The following TTC39B variants were observed in gnomAD, a reference collection of about 807,000 sequenced individuals.
TTC39B encodes tetratricopeptide repeat protein 39B.
TTC39B carries 92 observed loss-of-function variants against 96.6 expected under a neutral mutation model. That is an observed-to-expected ratio of 0.95 (90% confidence interval 0.80 to 1.13). The LOEUF (loss-of-function observed/expected upper bound fraction) is 1.13. TTC39B is among the 50% of genes most tolerant of loss of function. The pLI is 0.00. For synonymous variants in TTC39B, 367 were observed against 299.4 expected (o/e 1.23, Z -2.33); for missense variants, 955 against 809.3 (o/e 1.18, Z -2.18).
intron 8 of TTC39B, among the ~76,000 whole-genome samples, chr9:15,198,469 T>TAC (rs1249967105): frequency 6.9e-6 from 1 of 144,156 alleles, no homozygotes; most frequent in African/African-American, 2.7e-5. Context: ...AAAATATATA[T>TAC]ATATATATAT....
rs79566942 is a variant in TTC39B at position 15,263,994 on chromosome 9, A to G, written c.275+3920T>C. Reference sequence around the variant, plus strand: ...TTTGTTAAACTGAGCAGGACAGGGAAGTTAAAATTAGACAAGAGGAAGAAA... The same window carrying G: ...TTTGTTAAACTGAGCAGGACAGGGAGGTTAAAATTAGACAAGAGGAAGAAA... On this transcript the variant is annotated intron_variant, in intron 2 of 19. Transcript: ENST00000512701. 8.7e-4 allele frequency among the ~76,000 whole-genome samples: 133 copies of G among 152,366 alleles called. 1 individual carries two copies. The highest frequency in any genetic ancestry group is 3.1e-3 in the African/African-American group (129 of 41,584).
At chr9:15,240,497 A>G (rs1237711554) in intron 2 of TTC39B, among the ~76,000 whole-genome samples, 3 of 151,652 alleles carry the variant, frequency 2.0e-5, no homozygotes, top group African/African-American at 7.3e-5. Context: ...GTACTTTTCA[A>G]TGTTTTTTTT....
chr9:15,182,313 T>C (rs1201289230), exon 17 of TTC39B: 6 of 1,608,678 alleles, frequency 3.7e-6, no homozygotes, highest in Non-Finnish European at 5.1e-6. Context: ...TTACTTTGAC[T>C]TTGTAAAGCT....
chr9:15,241,117 T>G (rs993946723), intron 2 of TTC39B, among the ~76,000 whole-genome samples: 5 of 152,150 alleles, frequency 3.3e-5, no homozygotes, highest in African/African-American at 1.2e-4. Flanking sequence ...ATGAGGCCCA[T>G]GTGAATGTGA....
chr9:15,237,571 G>A (rs1364135297), intron 2 of TTC39B, among the ~76,000 whole-genome samples: 1 of 149,544 alleles, frequency 6.7e-6, no homozygotes, highest in Non-Finnish European at 1.5e-5. Flanking sequence ...AAACTCCCAA[G>A]ATTGAAACAG....
rs185790586 is a variant in TTC39B at position 15,261,770 on chromosome 9, A to C, written c.275+6144T>G. On this transcript the variant is annotated intron_variant, in intron 2 of 19. Transcript: ENST00000512701. ...CAACCAAAAGATAGCTTTCTTTTGG[A>C]ATTCCCAAAACACAATATTTACTCT... Among the ~76,000 whole-genome samples the C allele has an allele frequency of 4.4e-3, 673 of 152,284 alleles. 5 individuals carry two copies. The highest frequency in any genetic ancestry group is 6.0e-3 in the Non-Finnish European group (409 of 68,010).
At chr9:15,210,015 G>T in intron 6 of TTC39B, 73 bp downstream of exon 6, 1 of 1,073,006 alleles carries the variant, frequency 9.3e-7, no homozygotes, top group Non-Finnish European at 1.4e-6. Flanking sequence ...ATATACTTCA[G>T]GATGGAATTT....
chr9:15,272,403 G>A (rs1001719156), intron 1 of TTC39B, among the ~76,000 whole-genome samples: 4 of 152,136 alleles, frequency 2.6e-5, no homozygotes, highest in African/African-American at 9.7e-5. Flanking sequence ...CGCACACTCA[G>A]AGGAGCATCC....
chr9:15,216,550 T>C (rs577125184), intron 3 of TTC39B, among the ~76,000 whole-genome samples: 1 of 152,144 alleles, frequency 6.6e-6, no homozygotes, highest in African/African-American at 2.4e-5. Context: ...GCCTGACACC[T>C]CCTATAACAG....
intron 16 of TTC39B, chr9:15,183,448 G>C (rs1309092868): frequency 1.3e-5 from 4 of 314,294 alleles, no homozygotes; most frequent in Non-Finnish European, 2.4e-5. Flanking sequence ...CAGGCTTTTG[G>C]TAAAATTCCT....
At chr9:15,300,235 T>A (rs1007875581) in intron 1 of TTC39B, among the ~76,000 whole-genome samples, 6 of 152,152 alleles carry the variant, frequency 3.9e-5, no homozygotes, top group Admixed American at 1.3e-4. Context: ...CCTACCCAGC[T>A]GAAAGGAAAC....
At chr9:15,238,626 A>T (rs1821895562) in intron 2 of TTC39B, among the ~76,000 whole-genome samples, 1 of 152,224 alleles carries the variant, frequency 6.6e-6, no homozygotes, top group Admixed American at 6.5e-5. Context: ...GAAAGAAATC[A>T]CAGATCATAC....
intron 6 of TTC39B, 115 bp from the exon 7 acceptor site, chr9:15,204,005 G>T: frequency 1.2e-6 from 1 of 841,724 alleles, no homozygotes; most frequent in South Asian, 2.1e-5. Context: ...CCAAAACTTA[G>T]ATTGCCCTTG....
At chr9:15,275,323 G>A (rs1006217813) in intron 1 of TTC39B, among the ~76,000 whole-genome samples, 1 of 152,178 alleles carries the variant, frequency 6.6e-6, no homozygotes, top group Non-Finnish European at 1.5e-5. Flanking sequence ...TTACAGGCAT[G>A]AGCCAACGCT....
intron 1 of TTC39B, among the ~76,000 whole-genome samples, chr9:15,272,460 C>T (rs1255788760): frequency 1.3e-5 from 2 of 152,186 alleles, no homozygotes; most frequent in African/African-American, 2.4e-5. Context: ...GCTCACACTG[C>T]CAACAAATAC....
At position 15,279,892 on chromosome 9, in the gene TTC39B, CTTTTTTT is replaced by C. The variant is rs1164750793; in HGVS notation, c.241-11951_241-11945del. On this transcript the variant is annotated intron_variant, in intron 1 of 19. Coordinates refer to ENST00000512701, the Ensembl canonical transcript of TTC39B. ...GTAAATAAAGTACTTTTTTTCTTTT[CTTTTTTT>C]TTTTTTTTTTTTTTGAGACGGAGTC... is the stretch of plus-strand genomic sequence containing the variant. Among the ~76,000 whole-genome samples, 6 of 101,818 alleles carry C rather than the reference CTTTTTTT, an allele frequency of 5.9e-5. No homozygotes were observed. The South Asian group carries it at 1.9e-3, about 32-fold the overall frequency. 66.8% of individuals were successfully genotyped at this position (101,818 alleles called of 152,430 possible).
At position 15,267,921 on chromosome 9, in the gene TTC39B, T is replaced by C. The variant is rs1202672119; in HGVS notation, c.268A>G (p.Ile90Val). Residue 90 changes from isoleucine (I) to valine (V), a missense_variant, in exon 2 of 20, where the codon ATC becomes GTC. Transcript: ENST00000512701. ...TATTATGTTATTACTTACATTGAGA[T>C]GGTTTCCAAGGCATCTTCGAAAACG... The C allele has an allele frequency of 1.2e-6, 2 of 1,610,376 alleles. No individual in the cohort carries two copies. The highest frequency in any genetic ancestry group is 1.1e-5 in the South Asian group (1 of 90,900).
At chr9:15,165,660 A>G (rs1817504330) in exon 20 of TTC39B, 1 of 152,186 alleles carries the variant, frequency 6.6e-6, no homozygotes, top group Non-Finnish European at 1.5e-5. Flanking sequence ...CTTCTTCTTC[A>G]CAGGGCGGCA....
chr9:15,307,160 G>C lies in TTC39B; in HGVS notation c.164C>G (p.Ala55Gly), dbSNP rs369331054. 2 of 1,603,710 alleles carry C rather than the reference G, an allele frequency of 1.2e-6. No individual in the cohort carries two copies. Among genetic ancestry groups the C allele is most frequent in the African/African-American group, 2.7e-5 (2 of 74,680 alleles). The change falls in exon 1 of 20, where the codon GCT (alanine) becomes GGT (glycine). Residue 55 changes from alanine to glycine, a missense_variant. Ala to Gly is a moderately conservative substitution (Grantham distance 60). Transcript: ENST00000512701. ...CTGGCTGCTGCCACCCAAAAACCAA[G>C]CAGGGAACTCAGAGCCGACTCCTGC...
Sources: gnomAD v4.1 joint callset for allele counts (sites outside exome capture counted in the v4.1 genomes callset) on GRCh38, gnomAD v4.1.1 for gene constraint, MANE v1.5 for transcripts, NCBI Gene and HGNC (gene_info 2026-07-23, HGNC 2026-07-21) for gene names.